Variants in MSRA observed in about 807,000 individuals in gnomAD.
The protein encoded by MSRA is mitochondrial peptide methionine sulfoxide reductase.
Under a neutral mutation model 31.3 loss-of-function variants are expected in MSRA, and 54 were observed. The observed-to-expected ratio is 1.73, with a 90% CI of 1.39 to 2.17. The LOEUF (loss-of-function observed/expected upper bound fraction) is 2.17. Ranked by LOEUF, MSRA falls within the 30% of genes most tolerant of loss-of-function variation. The pLI is 0.00. For missense variants in MSRA, 507 were observed against 300.9 expected (o/e 1.69, Z -5.07); for synonymous variants, 169 against 116.5 (o/e 1.45, Z -2.90).
chr8:10,365,335 A>T (rs1281107698), intron 5 of MSRA, among the ~76,000 whole-genome samples: 1 of 152,048 alleles, frequency 6.6e-6, no homozygotes, highest in East Asian at 1.9e-4. Flanking sequence ...CTTCCAACAT[A>T]CCATACCAGT....
chr8:10,268,101 C>T lies in MSRA; in HGVS notation c.331+22878C>T, dbSNP rs143443697. Among the ~76,000 whole-genome samples, 163 of 152,272 alleles carry T rather than the reference C, an allele frequency of 1.1e-3. No individual in the cohort carries two copies. The East Asian group carries it at 0.03, about 28-fold the overall frequency. ...TATAACTCTAGTGCCATTTCATAAGCATTTGATGAATAAACAACTAAATGA... is the reference window on the plus strand; with the variant it reads ...TATAACTCTAGTGCCATTTCATAAGTATTTGATGAATAAACAACTAAATGA... On this transcript the variant is annotated intron_variant, in intron 3 of 5. Transcript: ENST00000317173.
chr8:10,171,918 T>G (rs1805622636), intron 1 of MSRA, among the ~76,000 whole-genome samples: 1 of 152,216 alleles, frequency 6.6e-6, no homozygotes, highest in Non-Finnish European at 1.5e-5. Context: ...TCTTAATAGA[T>G]GAGAGAATGC....
At chr8:10,360,285 T>G (rs1012215730) in intron 5 of MSRA, among the ~76,000 whole-genome samples, 3 of 152,222 alleles carry the variant, frequency 2.0e-5, no homozygotes, top group Non-Finnish European at 4.4e-5. Flanking sequence ...TGCTTCCCTC[T>G]GTTTTCTCTA....
At chr8:10,227,129 G>A (rs1217269926) in intron 2 of MSRA, among the ~76,000 whole-genome samples, 7 of 152,220 alleles carry the variant, frequency 4.6e-5, no homozygotes, top group South Asian at 2.1e-4. Flanking sequence ...AGAGCAGATA[G>A]TGAGTAGATC....
intron 5 of MSRA, among the ~76,000 whole-genome samples, chr8:10,397,405 A>T (rs1224530987): frequency 2.0e-5 from 3 of 152,174 alleles, no homozygotes; most frequent in Non-Finnish European, 2.9e-5. Context: ...TCCTGCAGGG[A>T]GTTCATTGAG....
intron 2 of MSRA, among the ~76,000 whole-genome samples, chr8:10,220,933 G>C (rs188408043): frequency 1.3e-5 from 2 of 152,332 alleles, no homozygotes; most frequent in East Asian, 3.9e-4. Context: ...GGAAGTGACA[G>C]CTACCTGAGG....
chr8:10,074,058 CTTTTTTTTTTTTTTTTTTTTTT>C (rs534642712), intron 1 of MSRA, among the ~76,000 whole-genome samples: 65 of 29,454 alleles, frequency 2.2e-3, no homozygotes, highest in African/African-American at 6.2e-3. Context: ...AAGGGAGGTG[CTTTTTTTTTTTTTTTTTTTTTT>C]TTTTTTTTTT....
chr8:10,283,559 C>A (rs1172035675), intron 3 of MSRA, among the ~76,000 whole-genome samples: 2 of 151,628 alleles, frequency 1.3e-5, no homozygotes, highest in African/African-American at 4.9e-5. Flanking sequence ...ATACACTGAA[C>A]CGAATTTGTA....
At chr8:10,422,038 T>C (rs773521365) in intron 5 of MSRA, among the ~76,000 whole-genome samples, 1 of 152,138 alleles carries the variant, frequency 6.6e-6, no homozygotes, top group Non-Finnish European at 1.5e-5. Flanking sequence ...CCCAGCACTT[T>C]GGGAGGCCAA....
intron 1 of MSRA, among the ~76,000 whole-genome samples, chr8:10,205,962 A>G (rs1276150014): frequency 6.6e-6 from 1 of 152,188 alleles, no homozygotes; most frequent in Non-Finnish European, 1.5e-5. Flanking sequence ...CAATTCCTCT[A>G]CTTTTGGATA....
chr8:10,061,287 C>A (rs1204961294), intron 1 of MSRA, among the ~76,000 whole-genome samples: 2 of 152,154 alleles, frequency 1.3e-5, no homozygotes, highest in African/African-American at 2.4e-5. Flanking sequence ...CTTAGTCATT[C>A]ATTAAATGTC....
At chr8:10,232,719 G>C (rs138505375) in intron 2 of MSRA, among the ~76,000 whole-genome samples, 2,573 of 152,328 alleles carry the variant, frequency 0.017, 26 homozygotes, top group Non-Finnish European at 0.027. Context: ...CATAGACACA[G>C]ATATTCATGA....
intron 1 of MSRA, among the ~76,000 whole-genome samples, chr8:10,104,625 T>A (rs1799761118): frequency 6.6e-6 from 1 of 152,210 alleles, no homozygotes; most frequent in African/African-American, 2.4e-5. Context: ...ATCATGCAGT[T>A]GAAGCCTCCT....
intron 1 of MSRA, among the ~76,000 whole-genome samples, chr8:10,196,151 A>G (rs1038954121): frequency 6.6e-6 from 1 of 152,228 alleles, no homozygotes; most frequent in Non-Finnish European, 1.5e-5. Context: ...TGTGCCTTCA[A>G]GGGACAGTGT....
At chr8:10,189,929 C>CA (rs1284589443) in intron 1 of MSRA, among the ~76,000 whole-genome samples, 1 of 152,104 alleles carries the variant, frequency 6.6e-6, no homozygotes, top group African/African-American at 2.4e-5. Flanking sequence ...TAGAGTTTCT[C>CA]AGTGAAAATC....
chr8:10,092,206 A>G (rs953456874), intron 1 of MSRA, among the ~76,000 whole-genome samples: 4 of 151,900 alleles, frequency 2.6e-5, no homozygotes, highest in African/African-American at 9.7e-5. Context: ...ATTTCCATAT[A>G]TTTGTGATTT....
rs548880649 is a variant in MSRA, at chr8:10,081,447, C to CAA, written c.142+26789_142+26790insAA. On this transcript the variant is annotated intron_variant, in intron 1 of 5. Coordinates refer to ENST00000317173, the MANE Select transcript of MSRA (RefSeq NM_012331.5). ...TCATGATTACTTCCGCCTCAAGGTT[C>CAA]GGGCATCTCCAGATGCTACCTCTTT... Among the ~76,000 whole-genome samples the CAA allele has an allele frequency of 2.1e-3, 317 of 152,268 alleles. 2 individuals are homozygous for CAA. The highest frequency in any genetic ancestry group is 3.3e-3 in the Non-Finnish European group (224 of 68,000).
At chr8:10,258,352 A>C (rs1195563756) in intron 3 of MSRA, among the ~76,000 whole-genome samples, 1 of 152,204 alleles carries the variant, frequency 6.6e-6, no homozygotes, top group East Asian at 1.9e-4. Flanking sequence ...AAGACAAAAC[A>C]CCCAGCTAAG....
chr8:10,261,366 T>C (rs1798472723), intron 3 of MSRA, among the ~76,000 whole-genome samples: 1 of 147,160 alleles, frequency 6.8e-6, no homozygotes, highest in African/African-American at 2.5e-5. Context: ...TCTGTCTTCA[T>C]GAAGGGTATA....
Sources: allele counts gnomAD v4.1 joint callset (sites outside exome capture counted in the v4.1 genomes callset), GRCh38; gene constraint gnomAD v4.1.1; transcripts MANE v1.5; gene names NCBI Gene and HGNC (gene_info 2026-07-23, HGNC 2026-07-21).